Variants in F8 observed in about 807,000 individuals in gnomAD.
F8 encodes the protein antihemophilic factor.
In F8, 12 loss-of-function variants were observed where a neutral mutation model predicts 140.6. That is an observed-to-expected ratio of 0.09 (90% CI 0.05 to 0.14). The LOEUF is 0.14. Ranked by LOEUF, F8 falls within the 10% of genes least tolerant of loss-of-function variation. F8 has a pLI of 1.00. For missense variants in F8, 1,354 were observed against 1,720.7 expected (o/e 0.79, Z 3.77); for synonymous variants, 585 against 614.6 (o/e 0.95, Z 0.71).
chrX:154,905,915 A>T (rs1408117635), intron 15 of F8, among the ~76,000 whole-genome samples: 3 of 111,987 alleles, frequency 2.7e-5, no homozygotes, highest in Non-Finnish European at 5.6e-5. Context: ...AATCAATAAG[A>T]AAAGCACTTC....
chrX:154,899,967 G>C lies in F8; in HGVS notation c.6188-16C>G. On this transcript the variant is annotated splice_polypyrimidine_tract_variant and intron_variant, in intron 20 of 25. Coordinates refer to ENST00000360256, the MANE Select transcript of F8 (RefSeq NM_000132.4). ...GCCCACTGTCCTTTGCCCAAGTAAA[G>C]AAACAGAGATTAAATTCAGCTGGGT... 1 of 1,195,713 alleles carries C rather than the reference G, an allele frequency of 8.4e-7. No individual in the cohort carries two copies. Among genetic ancestry groups the C allele is most frequent in the Non-Finnish European group, 1.1e-6 (1 of 881,286 alleles).
In F8 at chrX:154,931,645, G is replaced by A. The variant is rs782748733; in HGVS notation, c.2145C>T (p.Asp715=). 1 of 1,209,994 alleles carries A rather than the reference G, an allele frequency of 8.3e-7. No homozygotes were observed. Among genetic ancestry groups the A allele is most frequent in the East Asian group, 3.0e-5 (1 of 33,779 alleles). The change falls in exon 14 of 26, where the codon GAC becomes GAT. Residue 715 remains aspartate (D), a synonymous_variant. Coordinates refer to ENST00000360256, the MANE Select transcript of F8 (RefSeq NM_000132.4). ...AGGCGGTCATGCCTCTGTTCCGAAA[G>A]TCTGAGTTGTGGCACCCCAGAATCC... The part of the protein sequence containing the change: ...GLWILGCHNS[D]FRNRGMTALL...
chrX:154,877,338 G>C lies in F8; in HGVS notation c.6430-14111C>G, dbSNP rs782334543. Among the ~76,000 whole-genome samples the C allele has an allele frequency of 3.1e-3, 344 of 111,710 alleles. 3 individuals carry two copies. Among genetic ancestry groups the C allele is most frequent in the Non-Finnish European group, 4.8e-3 (254 of 53,061 alleles). The stretch of plus-strand genomic sequence containing the variant: ...CACAAGAGGCCTTGAAAGTGAGAGA[G>C]AGAGGCAGAAGAGGAGAGTCAAAGG... On this transcript the variant is annotated intron_variant, in intron 22 of 25. Coordinates refer to ENST00000360256, the MANE Select transcript of F8 (RefSeq NM_000132.4).
rs782183862 is a variant in F8, at chrX:154,929,951, G to A, written c.3839C>T (p.Thr1280Ile). 3 of 1,208,900 alleles carry A rather than the reference G, an allele frequency of 2.5e-6. No individual in the cohort carries two copies. In the East Asian group the frequency reaches 8.9e-5, roughly 36 times the overall value. The change falls in exon 14 of 26, where the codon ACA becomes ATA. Residue 1280 changes from threonine (T) to isoleucine (I), a missense_variant. By Grantham distance (89) the Thr-to-Ile change is moderately conservative. This residue lies in a region of F8 where 658 missense variants were observed against 666.5 expected (regional missense o/e 0.99). Transcript: ENST00000360256. The stretch of plus-strand genomic sequence containing the variant: ...TGAGAAATGAGCTGTGTGTTTCTTT[G>A]TTCTATTTGTTGAATCATTTAATGA... The part of the protein sequence containing the change: ...FRSLNDSTNR[T>I]KKHTAHFSKK...
intron 1 of F8, among the ~76,000 whole-genome samples, chrX:155,021,163 G>T (rs1482235093): frequency 1.8e-5 from 2 of 111,802 alleles, no homozygotes; most frequent in Non-Finnish European, 3.8e-5. Context: ...TAATGAGTGA[G>T]AAATGTGTGT....
chrX:154,868,167 C>T (rs1223671255), intron 22 of F8, among the ~76,000 whole-genome samples: 2 of 111,707 alleles, frequency 1.8e-5, no homozygotes, highest in East Asian at 2.8e-4. Context: ...CACCTTGAAT[C>T]GTAATCCCCA....
chrX:154,854,422 T>A (rs1032201081), intron 25 of F8, among the ~76,000 whole-genome samples: 2 of 112,357 alleles, frequency 1.8e-5, no homozygotes, highest in African/African-American at 3.2e-5. Flanking sequence ...GACTTCAGTT[T>A]TTTTCCTGCC....
chrX:154,891,199 C>G (rs1557275162), intron 22 of F8, among the ~76,000 whole-genome samples: 13 of 112,509 alleles, frequency 1.2e-4, no homozygotes. Flanking sequence ...AAATCAAGGC[C>G]TTTACTTCTT....
At chrX:154,926,019 G>A (rs1326219352) in intron 14 of F8, among the ~76,000 whole-genome samples, 1 of 112,087 alleles carries the variant, frequency 8.9e-6, no homozygotes, top group African/African-American at 3.2e-5. Context: ...ACTGAATCAT[G>A]GCAGTAGGTC....
At chrX:155,004,578 T>A (rs1557285941) in intron 1 of F8, among the ~76,000 whole-genome samples, 3 of 111,811 alleles carry the variant, frequency 2.7e-5, no homozygotes. Flanking sequence ...TCAATACAGA[T>A]CTAGCTACTG....
Position 154,922,309 on chromosome X carries a change from C to T in F8, c.5219+6262G>A, listed in dbSNP as rs952491247. Among the ~76,000 whole-genome samples, 6 of 111,970 alleles carry T rather than the reference C, an allele frequency of 5.4e-5. No individual in the cohort carries two copies. The East Asian group carries it at 1.1e-3, about 21-fold the overall frequency. ...CACGATTCCATATAATCAGTCTTTC[C>T]TAGAGTCCTAGAGTTTGGATATAAA... On this transcript the variant is annotated intron_variant, in intron 14 of 25. Coordinates refer to ENST00000360256, the MANE Select transcript of F8 (RefSeq NM_000132.4).
chrX:154,917,403 T>C (rs1179660675), intron 14 of F8, among the ~76,000 whole-genome samples: 1 of 111,956 alleles, frequency 8.9e-6, no homozygotes, highest in East Asian at 2.8e-4. Context: ...GAGAGTTTAA[T>C]TATTGTATGC....
chrX:154,999,574 A>G lies in F8; in HGVS notation c.170T>C (p.Phe57Ser). Residue 57 changes from phenylalanine to serine, a missense_variant, in exon 2 of 26, where the codon TTT becomes TCT. Phe to Ser is a radical substitution (Grantham distance 155). This residue lies in a region of F8 where 128 missense variants were observed against 230.4 expected (regional missense o/e 0.56). Coordinates refer to ENST00000360256, the MANE Select transcript of F8 (RefSeq NM_000132.4). ...GTACACGACTGAGGTGTTGAATGGA[A>G]AAGATTTTGGCACTCTAGGAGGAAA... ...ARFPPRVPKS[F>S]PFNTSVVYKK... The G allele has an allele frequency of 8.3e-7, 1 of 1,208,203 alleles. No individual in the cohort carries two copies. Among genetic ancestry groups the G allele is most frequent in the Non-Finnish European group, 1.1e-6 (1 of 893,013 alleles).
In F8 at chrX:154,919,673, A is replaced by G. The variant is rs1488472363; in HGVS notation, c.5219+8898T>C. Reference sequence around the variant, plus strand: ...ATCCTTTGGATATAATGCATGTCTCACTTTCATGTAACAGCTGCTCCTGTG... The same window carrying G: ...ATCCTTTGGATATAATGCATGTCTCGCTTTCATGTAACAGCTGCTCCTGTG... On this transcript the variant is annotated intron_variant, in intron 14 of 25. Coordinates refer to ENST00000360256, the MANE Select transcript of F8 (RefSeq NM_000132.4). 8.3e-6 allele frequency: 4 copies of G among 482,373 alleles called. No homozygotes were observed. In the Admixed American group the frequency reaches 1.3e-4, roughly 16 times the overall value. 39.8% of individuals were successfully genotyped at this position (482,373 alleles called of 1,213,427 possible).
chrX:154,995,334 G>A (rs2073610808), intron 3 of F8, among the ~76,000 whole-genome samples: 1 of 112,128 alleles, frequency 8.9e-6, no homozygotes, highest in Non-Finnish European at 1.9e-5. Flanking sequence ...TAGGGGAAAT[G>A]TAGCAGTAGA....
intron 10 of F8, 84 bp downstream of exon 10, chrX:154,960,991 A>G: frequency 3.0e-6 from 2 of 660,082 alleles, no homozygotes; most frequent in Non-Finnish European, 5.0e-6. Context: ...AGAAAGGACC[A>G]ACATAATTTT....
At chrX:154,992,773 GCTT>G (rs1306897356) in intron 4 of F8, among the ~76,000 whole-genome samples, 160 bp downstream of exon 4, 2 of 112,695 alleles carry the variant, frequency 1.8e-5, no homozygotes, top group Non-Finnish European at 3.8e-5. Flanking sequence ...ATGCATATCT[GCTT>G]CTCTCAGAAA....
chrX:154,998,790 C>T (rs908538768), intron 2 of F8, among the ~76,000 whole-genome samples: 2 of 111,777 alleles, frequency 1.8e-5, no homozygotes, highest in Non-Finnish European at 3.8e-5. Flanking sequence ...CCCACTATTG[C>T]CCACTCCCCC....
At chrX:154,913,257 G>GT (rs1190189179) in intron 14 of F8, among the ~76,000 whole-genome samples, 24 of 110,984 alleles carry the variant, frequency 2.2e-4, no homozygotes, top group South Asian at 3.7e-4. Context: ...AGAAAGTATT[G>GT]TTTTTTTTTA....
Sources: allele counts gnomAD v4.1 joint callset (sites outside exome capture counted in the v4.1 genomes callset), GRCh38; gene constraint gnomAD v4.1.1; regional missense constraint gnomAD v4.1.1; transcripts MANE v1.5; gene names NCBI Gene and HGNC (gene_info 2026-07-23, HGNC 2026-07-21).